Variants in PCDH9 observed in about 807,000 individuals in gnomAD.
PCDH9 encodes the protein protocadherin-9.
A neutral mutation model predicts 70.6 loss-of-function variants in PCDH9; 24 were observed. The ratio of observed to expected loss-of-function variants is 0.34; its 90% CI spans 0.25 to 0.48. The LOEUF (loss-of-function observed/expected upper bound fraction) is 0.48. PCDH9 is among the 20% of genes least tolerant of loss of function. The pLI is 0.99. For synonymous variants in PCDH9, 562 were observed against 558.5 expected, an observed-to-expected ratio of 1.01 and a Z score of -0.09; for missense variants, 1,281 against 1,503.6, an observed-to-expected ratio of 0.85 and a Z score of 2.45.
At chr13:66,833,445 C>T (rs1225920256) in intron 3 of PCDH9, among the ~76,000 whole-genome samples, 1 of 152,106 alleles carries the variant, frequency 6.6e-6, no homozygotes, top group Non-Finnish European at 1.5e-5. Flanking sequence ...AGAGGGTACC[C>T]TAATATTGTC....
intron 4 of PCDH9, among the ~76,000 whole-genome samples, chr13:66,337,735 G>A (rs1266619010): frequency 6.6e-6 from 1 of 152,070 alleles, no homozygotes; most frequent in Non-Finnish European, 1.5e-5. Context: ...AGGAGACTTT[G>A]AGGTTATAGT....
intron 4 of PCDH9, among the ~76,000 whole-genome samples, chr13:66,499,016 C>T (rs530101265): frequency 1.3e-5 from 2 of 151,866 alleles, no homozygotes; most frequent in African/African-American, 4.8e-5. Flanking sequence ...GAACATTTTA[C>T]TTTTCATCAT....
chr13:66,512,639 A>C (rs1241258544), intron 4 of PCDH9, among the ~76,000 whole-genome samples: 1 of 152,072 alleles, frequency 6.6e-6, no homozygotes, highest in Non-Finnish European at 1.5e-5. Context: ...CGAGAAGTAA[A>C]ACACACACAC....
intron 2 of PCDH9, among the ~76,000 whole-genome samples, chr13:67,045,546 AC>A (rs2085207437): frequency 6.6e-6 from 1 of 152,130 alleles, no homozygotes; most frequent in Admixed American, 6.6e-5. Flanking sequence ...CCCAGAAACA[AC>A]AACAAGAAAA....
intron 4 of PCDH9, among the ~76,000 whole-genome samples, chr13:66,397,466 A>AG (rs1317061740): frequency 2.4e-5 from 1 of 41,194 alleles, no homozygotes; most frequent in Non-Finnish European, 5.7e-5. Flanking sequence ...GTATATATAT[A>AG]TGTGTGTGTG....
At chr13:67,224,009 G>C (rs2089790586) in intron 2 of PCDH9, 2 of 152,108 alleles carry the variant, frequency 1.3e-5, no homozygotes, top group Non-Finnish European at 2.9e-5. Context: ...TAGTTGGTAA[G>C]GGGGAAACTG....
chr13:66,954,658 T>C (rs1403391178), intron 2 of PCDH9, among the ~76,000 whole-genome samples: 2 of 152,224 alleles, frequency 1.3e-5, no homozygotes, highest in Non-Finnish European at 2.9e-5. Context: ...GACCCAACTA[T>C]GCTCTGGGCA....
intron 3 of PCDH9, among the ~76,000 whole-genome samples, chr13:66,786,387 T>C (rs1221509131): frequency 6.6e-6 from 1 of 152,210 alleles, no homozygotes; most frequent in Non-Finnish European, 1.5e-5. Context: ...TTATGCTGTA[T>C]GCTTAGGGGA....
chr13:67,147,105 T>TTC (rs2087540710), intron 2 of PCDH9, among the ~76,000 whole-genome samples: 1 of 152,200 alleles, frequency 6.6e-6, no homozygotes, highest in Non-Finnish European at 1.5e-5. Context: ...TCATGTAGCC[T>TTC]ACAGCATTTT....
At chr13:67,145,380 G>A (rs1442189587) in intron 2 of PCDH9, among the ~76,000 whole-genome samples, 1 of 151,580 alleles carries the variant, frequency 6.6e-6, no homozygotes, top group African/African-American at 2.4e-5. Context: ...AATTTTTTTT[G>A]TTCTTTCTTT....
intron 2 of PCDH9, among the ~76,000 whole-genome samples, chr13:67,027,831 CT>C (rs199922943): frequency 0.57 from 84,705 of 147,620 alleles, 24,224 homozygotes; most frequent in East Asian, 0.94. Context: ...CTCACCATCA[CT>C]GGCCATCAGA....
intron 4 of PCDH9, among the ~76,000 whole-genome samples, chr13:66,465,953 C>A (rs1438956956): frequency 2.6e-5 from 4 of 151,854 alleles, no homozygotes; most frequent in East Asian, 1.9e-4. Context: ...TGACTTAAGT[C>A]CAATGTTATT....
chr13:67,147,877 T>C (rs1469024935), intron 2 of PCDH9, among the ~76,000 whole-genome samples: 1 of 152,158 alleles, frequency 6.6e-6, no homozygotes, highest in African/African-American at 2.4e-5. Flanking sequence ...AAGCATTCCA[T>C]CCTTCCTCTC....
At chr13:66,923,718 C>T (rs965398539) in intron 2 of PCDH9, among the ~76,000 whole-genome samples, 3 of 151,592 alleles carry the variant, frequency 2.0e-5, no homozygotes, top group Non-Finnish European at 4.4e-5. Flanking sequence ...TTAAAAAGCC[C>T]AGATGTGAAT....
intron 2 of PCDH9, among the ~76,000 whole-genome samples, chr13:66,923,976 C>A (rs547658725): frequency 6.6e-6 from 1 of 151,694 alleles, no homozygotes; most frequent in South Asian, 2.1e-4. Flanking sequence ...AATCCTGCTG[C>A]GGCATTTATT....
intron 2 of PCDH9, among the ~76,000 whole-genome samples, chr13:67,060,385 A>C (rs1036851499): frequency 4.0e-5 from 6 of 151,726 alleles, no homozygotes; most frequent in African/African-American, 1.5e-4. Flanking sequence ...CTAAGCTTCA[A>C]CTCTAGGATT....
At chr13:66,338,095 T>C (rs1458801322) in intron 4 of PCDH9, among the ~76,000 whole-genome samples, 2 of 152,130 alleles carry the variant, frequency 1.3e-5, no homozygotes, top group African/African-American at 4.8e-5. Context: ...GTTTTCATAT[T>C]CATACATTAG....
chr13:66,888,258 G>C (rs1231175702), intron 3 of PCDH9, among the ~76,000 whole-genome samples: 3 of 152,114 alleles, frequency 2.0e-5, no homozygotes, highest in Non-Finnish European at 4.4e-5. Context: ...TCTTTGAGAG[G>C]CCGAGCTGGG....
intron 4 of PCDH9, among the ~76,000 whole-genome samples, chr13:66,308,084 G>C (rs370894791): frequency 6.6e-6 from 1 of 152,082 alleles, no homozygotes; most frequent in Non-Finnish European, 1.5e-5. Flanking sequence ...TGCCTTAAGA[G>C]CAGTGAGCTG....
Sources: gnomAD v4.1 joint callset for allele counts (sites outside exome capture counted in the v4.1 genomes callset) on GRCh38, gnomAD v4.1.1 for gene constraint, MANE v1.5 for transcripts, NCBI Gene and HGNC (gene_info 2026-07-23, HGNC 2026-07-21) for gene names.